PCNT: variants seen among roughly 807,000 people sequenced by gnomAD.
The protein encoded by PCNT is pericentrin.
A neutral mutation model predicts 380.4 loss-of-function variants in PCNT; 319 were observed. That is an observed-to-expected ratio of 0.84 (90% CI 0.77 to 0.92). The LOEUF (loss-of-function observed/expected upper bound fraction) is 0.92, where lower values mean the gene tolerates loss of function less well. Among genes scored for constraint, PCNT ranks in the 40% least tolerant of loss-of-function variants. The pLI is 0.00. For synonymous variants in PCNT, 1,845 were observed against 1,735.2 expected (o/e 1.06, Z -1.57); for missense variants, 4,400 against 4,255.3 (o/e 1.03, Z -0.95).
rs550544310 is a variant in PCNT at position 46,354,502 on chromosome 21, C to T, written c.1761+434C>T. ...ACTTCTGTGGGGCAAACTGTCCAAA[C>T]GGAGCTTCTGGGATGTAGACTGTTC... On this transcript the variant is annotated intron_variant, in intron 11 of 46. Coordinates refer to ENST00000359568, the MANE Select transcript of PCNT (RefSeq NM_006031.6). 5.3e-5 allele frequency among the ~76,000 whole-genome samples: 8 copies of T among 152,340 alleles called. No homozygotes were observed. In the South Asian group the frequency reaches 8.3e-4, roughly 16 times the overall value.
At chr21:46,345,193 C>T (rs2146527872) in intron 3 of PCNT, among the ~76,000 whole-genome samples, 1 of 152,234 alleles carries the variant, frequency 6.6e-6, no homozygotes, top group East Asian at 1.9e-4. Context: ...GGAGAGTCCA[C>T]AGCTTCTGTT....
At chr21:46,410,841 T>C (rs1375347717) in intron 27 of PCNT, among the ~76,000 whole-genome samples, 3 of 152,226 alleles carry the variant, frequency 2.0e-5, no homozygotes, top group Non-Finnish European at 2.9e-5. Flanking sequence ...TAAAATCTAA[T>C]GCACCTTCAG....
At chr21:46,433,369 G>A (rs796379388) in intron 38 of PCNT, among the ~76,000 whole-genome samples, 38 of 152,334 alleles carry the variant, frequency 2.5e-4, no homozygotes, top group African/African-American at 8.7e-4. Context: ...GGCAACAAGA[G>A]CGAGACTCCA....
chr21:46,356,847 G>A (rs1394874077), intron 12 of PCNT, 127 bp from the exon 13 acceptor site: 19 of 783,170 alleles, frequency 2.4e-5, no homozygotes, highest in South Asian at 1.8e-4. Context: ...AGTCAGCACA[G>A]AGCTTGAAAA....
intron 3 of PCNT, among the ~76,000 whole-genome samples, chr21:46,341,630 G>A (rs886954169): frequency 2.6e-5 from 4 of 151,958 alleles, no homozygotes; most frequent in Non-Finnish European, 5.9e-5. Context: ...GCCTCCCAAA[G>A]TGCTGGGATT....
chr21:46,349,298 A>C (rs1186315610), intron 7 of PCNT, 112 bp downstream of exon 7: 5 of 939,658 alleles, frequency 5.3e-6, no homozygotes, highest in Non-Finnish European at 8.8e-6. Flanking sequence ...CTACCTTCTA[A>C]ATGCTGGATG....
intron 3 of PCNT, among the ~76,000 whole-genome samples, chr21:46,337,913 G>A (rs2083802846): frequency 6.6e-6 from 1 of 151,732 alleles, no homozygotes; most frequent in South Asian, 2.1e-4. Flanking sequence ...TTGCTCTGTT[G>A]TCCAGGCTGT....
rs115330693 is a variant in PCNT, at chr21:46,392,192, G to A, written c.4216+816G>A. 6.8e-3 allele frequency among the ~76,000 whole-genome samples: 1,040 copies of A among 151,992 alleles called. 11 individuals are homozygous for A. The highest frequency in any genetic ancestry group is 0.022 in the African/African-American group (918 of 41,452). On this transcript the variant is annotated intron_variant, in intron 21 of 46. Coordinates refer to ENST00000359568, the MANE Select transcript of PCNT (RefSeq NM_006031.6). ...GTCTTGCTGATTTTTGCCCTTGTTC[G>A]TGTGATTCCTTGTTCCTATGGTTTT...
chr21:46,397,211 A>G (rs1048795773), intron 21 of PCNT, 54 bp from the exon 22 acceptor site: 1 of 1,395,982 alleles, frequency 7.2e-7, no homozygotes, highest in Non-Finnish European at 1.0e-6. Flanking sequence ...CGTGTCATGC[A>G]CCAGCCTCTG....
At chr21:46,358,141 G>A (rs528803265) in intron 13 of PCNT, among the ~76,000 whole-genome samples, 26 of 151,972 alleles carry the variant, frequency 1.7e-4, no homozygotes, top group Non-Finnish European at 2.6e-4. Flanking sequence ...CTCAGGCTCC[G>A]TCCCATGCGG....
In PCNT at chr21:46,346,952, C is replaced by T. The variant is rs778056605; in HGVS notation, c.930C>T (p.His310=). ...AGCTGGAGCTCCTCAGGGAGCAGCA[C>T]GCACGGGAGAAGGAGGAGGTGGTGC... The part of the protein sequence containing the change: ...QHELELLREQ[H]AREKEEVVLR... The change falls in exon 5 of 47, where the codon CAC becomes CAT. Residue 310 remains histidine (H), a synonymous_variant. Coordinates refer to ENST00000359568, the MANE Select transcript of PCNT (RefSeq NM_006031.6). 197 of 1,596,982 alleles carry T rather than the reference C, an allele frequency of 1.2e-4. No individual in the cohort carries two copies. The highest frequency in any genetic ancestry group is 1.6e-4 in the Non-Finnish European group (182 of 1,173,954).
At chr21:46,360,664 G>A (rs532640671) in intron 13 of PCNT, among the ~76,000 whole-genome samples, 41 of 151,968 alleles carry the variant, frequency 2.7e-4, no homozygotes, top group African/African-American at 7.5e-4. Flanking sequence ...GACTACAGGC[G>A]TCCGCCACCA....
At chr21:46,405,407 G>A (rs1194362759) in intron 27 of PCNT, among the ~76,000 whole-genome samples, 1 of 152,196 alleles carries the variant, frequency 6.6e-6, no homozygotes, top group Admixed American at 6.5e-5. Flanking sequence ...ATTGAAGAAT[G>A]CCTTTTATGG....
chr21:46,395,393 C>T (rs749218387), intron 21 of PCNT, among the ~76,000 whole-genome samples: 7 of 152,070 alleles, frequency 4.6e-5, no homozygotes, highest in East Asian at 1.9e-4. Context: ...ATAGAGACTT[C>T]GGGACTCAGC....
At chr21:46,343,338 G>A (rs577888945) in intron 3 of PCNT, among the ~76,000 whole-genome samples, 13 of 152,184 alleles carry the variant, frequency 8.5e-5, no homozygotes, top group African/African-American at 2.9e-4. Context: ...GGTTTTAATC[G>A]TAAAGGGATC....
In PCNT at chr21:46,421,980, G is replaced by A. The variant is rs371230591; in HGVS notation, c.7035G>A (p.Ser2345=). 5.6e-6 allele frequency: 9 copies of A among 1,614,046 alleles called. 1 individual carries two copies. The South Asian group carries it at 7.7e-5, about 14-fold the overall frequency. Residue 2345 remains serine (S), a synonymous_variant, in exon 32 of 47, where the codon TCG becomes TCA. Coordinates refer to ENST00000359568, the MANE Select transcript of PCNT (RefSeq NM_006031.6). ...CTGTGGTGTTTTTAGGTGACGGCTC[G>A]GGTTTTGGAGCAAGACTGAGCCCGG... is the stretch of plus-strand genomic sequence containing the variant. ...KADRSEKSDG[S]GFGARLSPGS...
intron 6 of PCNT, 24 bp from the exon 7 acceptor site, chr21:46,348,988 T>C (rs1295157116): frequency 1.4e-6 from 2 of 1,445,618 alleles, no homozygotes; most frequent in Non-Finnish European, 1.9e-6. Context: ...CTATTGAGTT[T>C]AATTTTTTTT....
chr21:46,348,195 T>C (rs1325769762), intron 6 of PCNT: 2 of 167,124 alleles, frequency 1.2e-5, no homozygotes, highest in Admixed American at 5.7e-5. Context: ...AAAGTTGCCA[T>C]TGGCCCCTGG....
chr21:46,386,132 T>A (rs1346067264), intron 17 of PCNT, 149 bp downstream of exon 17: 8 of 905,760 alleles, frequency 8.8e-6, no homozygotes, highest in African/African-American at 4.9e-5. Context: ...GCTTCCTTCT[T>A]CTCTCAGTTA....
Sources: gnomAD v4.1 joint callset for allele counts (sites outside exome capture counted in the v4.1 genomes callset) on GRCh38, gnomAD v4.1.1 for gene constraint, MANE v1.5 for transcripts, NCBI Gene and HGNC (gene_info 2026-07-23, HGNC 2026-07-21) for gene names.